PRKCE: variants seen among roughly 807,000 people sequenced by gnomAD.
PRKCE encodes the protein protein kinase C epsilon type.
Under a neutral mutation model 85.4 loss-of-function variants are expected in PRKCE, and 16 were observed. The observed-to-expected ratio is 0.19, with a 90% CI of 0.13 to 0.28. The LOEUF is 0.28. Ranked by LOEUF, PRKCE falls within the 10% of genes least tolerant of loss-of-function variation. The pLI is 1.00. For missense variants in PRKCE, 573 were observed against 975.2 expected (o/e 0.59, Z 5.49); for synonymous variants, 388 against 371.5 (o/e 1.04, Z -0.51).
At chr2:45,919,430 C>T (rs943369296) in intron 2 of PRKCE, among the ~76,000 whole-genome samples, 5 of 152,252 alleles carry the variant, frequency 3.3e-5, no homozygotes, top group Non-Finnish European at 5.9e-5. Context: ...TTGCCTTCTG[C>T]CCTCTGGCCT....
chr2:45,781,780 T>C (rs1405216293), intron 1 of PRKCE, among the ~76,000 whole-genome samples: 1 of 152,178 alleles, frequency 6.6e-6, no homozygotes, highest in African/African-American at 2.4e-5. Context: ...ATCACTTTCC[T>C]AAACTCCTGT....
chr2:46,170,831 C>T (rs1678822088), intron 14 of PRKCE, among the ~76,000 whole-genome samples: 1 of 152,162 alleles, frequency 6.6e-6, no homozygotes, highest in Non-Finnish European at 1.5e-5. Flanking sequence ...AATCCTGGGC[C>T]AAGAGAACTG....
chr2:46,069,772 C>T (rs894083226), intron 10 of PRKCE, among the ~76,000 whole-genome samples: 2 of 152,154 alleles, frequency 1.3e-5, no homozygotes, highest in Non-Finnish European at 2.9e-5. Flanking sequence ...TTTGGTGTAA[C>T]AGTTGGCTAT....
intron 1 of PRKCE, among the ~76,000 whole-genome samples, chr2:45,700,286 A>AC (rs1281689232): frequency 6.6e-6 from 1 of 151,556 alleles, no homozygotes; most frequent in African/African-American, 2.4e-5. Flanking sequence ...CTATGAAGTA[A>AC]CCCCCAAAGA....
intron 10 of PRKCE, 127 bp from the exon 11 acceptor site, chr2:46,086,081 A>T: frequency 1.1e-6 from 1 of 931,658 alleles, no homozygotes; most frequent in Non-Finnish European, 1.6e-6. Flanking sequence ...TGCTACCAGG[A>T]TTCACCCACC....
intron 10 of PRKCE, among the ~76,000 whole-genome samples, chr2:46,023,089 C>CAAAAAAAAAAAAAAAAAAAAA: frequency 1.4e-5 from 1 of 71,494 alleles, no homozygotes; most frequent in Non-Finnish European, 2.5e-5. Context: ...GACTCCGTCT[C>CAAAAAAAAAAAAAAAAAAAAA]AAAAAAAAAA....
At chr2:46,180,907 G>A (rs539274893) in intron 14 of PRKCE, among the ~76,000 whole-genome samples, 5 of 152,320 alleles carry the variant, frequency 3.3e-5, no homozygotes, top group Middle Eastern at 6.8e-3. Context: ...CTAAGTGTGG[G>A]CCAAAGGTTG....
intron 10 of PRKCE, among the ~76,000 whole-genome samples, chr2:46,012,744 G>A (rs1705792495): frequency 6.6e-6 from 1 of 152,196 alleles, no homozygotes; most frequent in Non-Finnish European, 1.5e-5. Context: ...TGAGGGAGTG[G>A]GAATGGATGT....
rs766342177 is a variant in PRKCE at position 45,652,079 on chromosome 2, G to GC, written c.-17dup. 21 of 1,423,346 alleles carry GC rather than the reference G, an allele frequency of 1.5e-5. No homozygotes were observed. The Admixed American group carries it at 3.7e-4, about 25-fold the overall frequency. The allele number at this position is 1,423,346 out of a possible 1,614,324, so 88.2% of individuals were successfully genotyped here. A position where few individuals can be genotyped will look rare whatever the true frequency, so the allele number is the denominator to read the frequency against. ...CCTCGGGGCAGACGGAGTGACCCCG[G>GC]CCCCCACTCCCCGCCCCGACCATGG... On this transcript the variant is annotated 5_prime_UTR_variant, in exon 1 of 15. Transcript: ENST00000306156. The surrounding 1 kb of genome is among the most constrained non-coding windows in gnomAD (Gnocchi z 7.7).
intron 6 of PRKCE, among the ~76,000 whole-genome samples, chr2:45,993,839 T>TTA (rs1704008768): frequency 6.6e-6 from 1 of 151,752 alleles, no homozygotes; most frequent in Non-Finnish European, 1.5e-5. Flanking sequence ...CGGATCAGAG[T>TTA]TATTAGTGAT....
At chr2:45,651,317 T>C (rs867154067), upstream of PRKCE, 735 of 150,318 alleles carry the variant, frequency 4.9e-3, 5 homozygotes, top group African/African-American at 0.017. Context: ...CACCGCCCGG[T>C]GCTGGCCTGC....
chr2:46,098,293 C>G (rs1334483979), intron 11 of PRKCE, among the ~76,000 whole-genome samples: 1 of 151,978 alleles, frequency 6.6e-6, no homozygotes, highest in Non-Finnish European at 1.5e-5. Context: ...AACCTCAGTT[C>G]CTTCATCTGT....
intron 11 of PRKCE, among the ~76,000 whole-genome samples, chr2:46,116,326 G>A (rs951252464): frequency 6.6e-6 from 1 of 152,116 alleles, no homozygotes; most frequent in Non-Finnish European, 1.5e-5. Flanking sequence ...TGCACAGATG[G>A]GCATGAGCTG....
intron 10 of PRKCE, among the ~76,000 whole-genome samples, chr2:46,085,979 G>A (rs1669601175): frequency 6.6e-6 from 1 of 152,146 alleles, no homozygotes; most frequent in Admixed American, 6.5e-5. Context: ...AGACCGAGGT[G>A]ATGCCCACCG....
intron 2 of PRKCE, among the ~76,000 whole-genome samples, chr2:45,874,190 TCA>T (rs1432287403): frequency 2.6e-5 from 4 of 152,196 alleles, no homozygotes; most frequent in African/African-American, 7.2e-5. Flanking sequence ...CTTCCATCTC[TCA>T]CACACTCAAT....
rs188107256 is a variant in PRKCE, at chr2:46,080,667, A to G, written c.1438-5541A>G. On this transcript the variant is annotated intron_variant, in intron 10 of 14. Coordinates refer to ENST00000306156, the MANE Select transcript of PRKCE (RefSeq NM_005400.3). ...TGGTGCTCCCTGGAGTGAAGGTTGG[A>G]TGAGCAGATTTTGTTTGAGCACCTC... Among the ~76,000 whole-genome samples, 323 of 152,334 alleles carry G rather than the reference A, an allele frequency of 2.1e-3. 1 individual carries two copies. The highest frequency in any genetic ancestry group is 3.0e-3 in the Non-Finnish European group (204 of 68,026).
At chr2:45,733,708 T>A (rs952990505) in intron 1 of PRKCE, among the ~76,000 whole-genome samples, 2 of 152,168 alleles carry the variant, frequency 1.3e-5, no homozygotes, top group Admixed American at 6.5e-5. Context: ...CTATCAGCTT[T>A]CTTTCTACGC....
intron 14 of PRKCE, among the ~76,000 whole-genome samples, chr2:46,171,106 A>G (rs1476398777): frequency 1.3e-5 from 2 of 152,224 alleles, no homozygotes; most frequent in Admixed American, 1.3e-4. Flanking sequence ...CTCCTGCTGC[A>G]TCGCCAGGCT....
At chr2:45,943,443 C>G (rs535124867) in intron 2 of PRKCE, among the ~76,000 whole-genome samples, 2 of 152,352 alleles carry the variant, frequency 1.3e-5, no homozygotes, top group African/African-American at 4.8e-5. Context: ...CTAGCCGGGG[C>G]TTAGGAAGGT....
Sources: allele counts gnomAD v4.1 joint callset (sites outside exome capture counted in the v4.1 genomes callset), GRCh38; gene constraint gnomAD v4.1.1; non-coding constraint Gnocchi (gnomAD v3.1); transcripts MANE v1.5; gene names NCBI Gene and HGNC (gene_info 2026-07-23, HGNC 2026-07-21).